The following IQGAP2 variants were observed in gnomAD, a reference collection of about 807,000 sequenced individuals.
IQGAP2 encodes IQ motif containing GTPase activating protein 2.
Under a neutral mutation model 201.3 loss-of-function variants are expected in IQGAP2, and 173 were observed. That is an observed-to-expected ratio of 0.86 (90% CI 0.76 to 0.98). IQGAP2 has a LOEUF of 0.98. Among genes scored for constraint, IQGAP2 ranks in the 50% least tolerant of loss-of-function variants. IQGAP2 has a pLI of 0.00. For missense variants in IQGAP2, 1,687 were observed against 1,864.8 expected (o/e 0.90, Z 1.76); for synonymous variants, 675 against 673.9 (o/e 1.00, Z -0.03).
chr5:76,607,253 T>G (rs570154859), intron 12 of IQGAP2: 1 of 152,338 alleles, frequency 6.6e-6, no homozygotes, highest in East Asian at 1.9e-4. Context: ...AACATATGAC[T>G]TTGTTAATTA....
At chr5:76,454,928 A>G (rs1450482712) in intron 1 of IQGAP2, among the ~76,000 whole-genome samples, 4 of 152,196 alleles carry the variant, frequency 2.6e-5, no homozygotes, top group Admixed American at 6.5e-5. Flanking sequence ...AAGTGTTCCT[A>G]TTTCTCCACA....
At chr5:76,656,566 A>G (rs1262520085) in intron 20 of IQGAP2, among the ~76,000 whole-genome samples, 27 of 152,000 alleles carry the variant, frequency 1.8e-4, no homozygotes, top group Non-Finnish European at 1.5e-5. Flanking sequence ...TTGCTTTTAT[A>G]TATGAAAGAT....
At chr5:76,569,654 G>T (rs113048615) in intron 3 of IQGAP2, among the ~76,000 whole-genome samples, 1 of 152,202 alleles carries the variant, frequency 6.6e-6, no homozygotes, top group Non-Finnish European at 1.5e-5. Flanking sequence ...GTAACAGAAG[G>T]TGGGGAGAGC....
At chr5:76,646,760 C>T (rs1186262160) in intron 17 of IQGAP2, among the ~76,000 whole-genome samples, 1 of 152,082 alleles carries the variant, frequency 6.6e-6, no homozygotes, top group Non-Finnish European at 1.5e-5. Flanking sequence ...ATAAACTTTA[C>T]AGTTCAGGCA....
intron 30 of IQGAP2, among the ~76,000 whole-genome samples, chr5:76,684,905 G>A (rs1250763254): frequency 6.6e-6 from 1 of 152,072 alleles, no homozygotes; most frequent in East Asian, 1.9e-4. Context: ...TCACTGTGCT[G>A]TGTTGATATG....
At chr5:76,686,778 G>A (rs1020200292) in intron 30 of IQGAP2, among the ~76,000 whole-genome samples, 5 of 152,102 alleles carry the variant, frequency 3.3e-5, no homozygotes, top group African/African-American at 9.7e-5. Flanking sequence ...CAAAGTGCTG[G>A]GATTACAGGC....
intron 1 of IQGAP2, among the ~76,000 whole-genome samples, chr5:76,415,960 G>A (rs1003237803): frequency 6.4e-5 from 9 of 141,056 alleles, no homozygotes; most frequent in Non-Finnish European, 1.1e-4. Context: ...AAAAAAAAAT[G>A]TGAAAAGAAA....
chr5:76,552,622 T>G (rs1743637930), intron 2 of IQGAP2, among the ~76,000 whole-genome samples: 1 of 152,228 alleles, frequency 6.6e-6, no homozygotes, highest in Non-Finnish European at 1.5e-5. Flanking sequence ...AGCAATGTTC[T>G]TGGCCATTTT....
At chr5:76,496,721 TTTCTTTTCTTTC>T (rs1383892762) in intron 2 of IQGAP2, among the ~76,000 whole-genome samples, 208 of 19,526 alleles carry the variant, frequency 0.011, 2 homozygotes, top group African/African-American at 0.036. Flanking sequence ...TCTTTCTTTC[TTTCTTTTCTTTC>T]TTTCTTTCTT....
intron 1 of IQGAP2, among the ~76,000 whole-genome samples, chr5:76,457,643 G>A (rs879901274): frequency 2.0e-5 from 3 of 152,090 alleles, no homozygotes; most frequent in Non-Finnish European, 4.4e-5. Context: ...ATTAAACAGC[G>A]ACCATGTCAA....
chr5:76,452,202 A>G (rs1254850215), intron 1 of IQGAP2, among the ~76,000 whole-genome samples: 1 of 147,970 alleles, frequency 6.8e-6, no homozygotes, highest in Admixed American at 6.7e-5. Flanking sequence ...GGCGTGAGCC[A>G]CCACGCCCAG....
chr5:76,656,256 T>C (rs1021417393), intron 20 of IQGAP2, among the ~76,000 whole-genome samples: 2 of 151,984 alleles, frequency 1.3e-5, no homozygotes, highest in Non-Finnish European at 2.9e-5. Flanking sequence ...GGAGTCTCGC[T>C]CTTTCGCCCA....
intron 33 of IQGAP2, among the ~76,000 whole-genome samples, chr5:76,700,013 A>G (rs1471050575): frequency 6.6e-6 from 1 of 151,538 alleles, no homozygotes; most frequent in Admixed American, 6.6e-5. Flanking sequence ...TACACACACT[A>G]CATATAGTGT....
chr5:76,474,235 G>A (rs942963017), intron 2 of IQGAP2, among the ~76,000 whole-genome samples: 2 of 152,104 alleles, frequency 1.3e-5, no homozygotes, highest in African/African-American at 2.4e-5. Context: ...AGTTCCATGA[G>A]TCTCTATACA....
At chr5:76,583,644 T>A (rs1033302773) in intron 5 of IQGAP2, among the ~76,000 whole-genome samples, 2 of 152,206 alleles carry the variant, frequency 1.3e-5, no homozygotes, top group Non-Finnish European at 2.9e-5. Flanking sequence ...CAGCACCACC[T>A]TGTGGTAACT....
At chr5:76,691,816 G>A (rs1746285215) in intron 30 of IQGAP2, 1 of 152,118 alleles carries the variant, frequency 6.6e-6, no homozygotes, top group South Asian at 2.1e-4. Flanking sequence ...ATGGCTTATT[G>A]GATTTTATCC....
At chr5:76,618,755 T>A (rs996685301) in intron 13 of IQGAP2, 124 of 974,140 alleles carry the variant, frequency 1.3e-4, no homozygotes, top group Non-Finnish European at 1.7e-4. Flanking sequence ...ATTTTTATTT[T>A]AAAAAGTTAT....
At chr5:76,627,293 A>G (rs1416769326) in intron 13 of IQGAP2, 117 bp from the exon 14 acceptor site, 10 of 757,156 alleles carry the variant, frequency 1.3e-5, no homozygotes, top group Non-Finnish European at 2.1e-5. Flanking sequence ...AGAGCTGGAT[A>G]GTTGCTGATT....
At chr5:76,702,642 T>C (rs780525839) in intron 35 of IQGAP2, 52 bp downstream of exon 35, 2 of 856,972 alleles carry the variant, frequency 2.3e-6, no homozygotes, top group Non-Finnish European at 4.1e-6. Context: ...ATGTGGATCA[T>C]ACATTGCTAC....
Sources: allele counts gnomAD v4.1 joint callset (sites outside exome capture counted in the v4.1 genomes callset), GRCh38; gene constraint gnomAD v4.1.1; transcripts MANE v1.5; gene names NCBI Gene and HGNC (gene_info 2026-07-23, HGNC 2026-07-21).